Variants in UBE2E1 observed in about 807,000 individuals in gnomAD.
UBE2E1 encodes the protein ubiquitin conjugating enzyme E2 E1, also known as ubiquitin-conjugating enzyme E2 E1.
A neutral mutation model predicts 21.4 loss-of-function variants in UBE2E1; 6 were observed. That is an observed-to-expected ratio of 0.28 (90% CI 0.15 to 0.55). The LOEUF (loss-of-function observed/expected upper bound fraction) is 0.55, where lower values mean the gene tolerates loss of function less well. Among genes scored for constraint, UBE2E1 ranks in the 20% least tolerant of loss-of-function variants. UBE2E1 has a pLI of 0.93. For missense variants in UBE2E1, 142 were observed against 236.5 expected, an observed-to-expected ratio of 0.60 and a Z score of 2.62; for synonymous variants, 87 against 82.7, an observed-to-expected ratio of 1.05 and a Z score of -0.28.
chr3:23,850,681 GTT>G (rs550418701), intron 3 of UBE2E1, among the ~76,000 whole-genome samples: 17 of 104,288 alleles, frequency 1.6e-4, no homozygotes, highest in Admixed American at 9.8e-5. Flanking sequence ...ACACCTGATT[GTT>G]TTTTTTTTTT....
chr3:23,887,729 A>G lies in UBE2E1; in HGVS notation c.336+30A>G, dbSNP rs1196185067. On this transcript the variant is annotated intron_variant, in intron 4 of 5. Coordinates refer to ENST00000306627, the MANE Select transcript of UBE2E1 (RefSeq NM_003341.5). The surrounding 1 kb of genome is among the most constrained non-coding windows in gnomAD (Gnocchi z 4.4). ...GAAATCTCCCTGTATGCTCAAATTTACTAATTCCCACAAGAGAGCAACTGT... is the reference window on the plus strand; with the variant it reads ...GAAATCTCCCTGTATGCTCAAATTTGCTAATTCCCACAAGAGAGCAACTGT... 6.3e-7 allele frequency: 1 copy of G among 1,584,186 alleles called. No homozygotes were observed. The highest frequency in any genetic ancestry group is 1.4e-5 in the African/African-American group (1 of 73,150).
chr3:23,806,530 C>G lies in UBE2E1; in HGVS notation c.-34+442C>G, dbSNP rs896785041. ...CCGACCCCCCCATTCCCCGCCGCAG[C>G]CCCTATCCCCCTACAGGAGTGGCGA... On this transcript the variant is annotated intron_variant, in intron 1 of 5. Coordinates refer to ENST00000306627, the MANE Select transcript of UBE2E1 (RefSeq NM_003341.5). This position sits in a 1 kb window ranked among gnomAD's most constrained non-coding sequence, Gnocchi z 6.5. Among the ~76,000 whole-genome samples the G allele has an allele frequency of 2.8e-4, 43 of 151,740 alleles. No individual in the cohort carries two copies. The highest frequency in any genetic ancestry group is 2.6e-3 in the Admixed American group (39 of 15,274).
intron 3 of UBE2E1, among the ~76,000 whole-genome samples, chr3:23,867,485 A>G (rs1005331333): frequency 5.9e-5 from 9 of 152,178 alleles, no homozygotes; most frequent in African/African-American, 2.2e-4. Flanking sequence ...CAAATCTTCC[A>G]TGTGTTTTGA....
At chr3:23,811,381 CA>C in intron 2 of UBE2E1, 78 bp from the exon 3 acceptor site, 3 of 1,384,360 alleles carry the variant, frequency 2.2e-6, no homozygotes, top group Non-Finnish European at 3.1e-6. Context: ...GGTTTATCTG[CA>C]GACCTGCACG....
intron 3 of UBE2E1, among the ~76,000 whole-genome samples, chr3:23,847,291 A>G (rs977491458): frequency 1.3e-5 from 2 of 152,152 alleles, no homozygotes; most frequent in African/African-American, 2.4e-5. Context: ...CTAGATGAAA[A>G]GAAGACATCC....
chr3:23,842,198 G>GGGGGGGTGTGTGTGT lies in UBE2E1; in HGVS notation c.203+30689_203+30690insGGGGGTGTGTGTGTG, dbSNP rs1553637704. Among the ~76,000 whole-genome samples, 1 of 104,284 alleles carries GGGGGGGTGTGTGTGT rather than the reference G, an allele frequency of 9.6e-6. No individual in the cohort carries two copies. Among genetic ancestry groups the GGGGGGGTGTGTGTGT allele is most frequent in the African/African-American group, 3.6e-5 (1 of 27,628 alleles). The allele number at this position is 104,284 out of a possible 152,430, so 68.4% of individuals were successfully genotyped here. A position where few individuals can be genotyped will look rare whatever the true frequency, so the allele number is the denominator to read the frequency against. On this transcript the variant is annotated intron_variant, in intron 3 of 5. Coordinates refer to ENST00000306627, the MANE Select transcript of UBE2E1 (RefSeq NM_003341.5). This position sits in a 1 kb window ranked among gnomAD's most constrained non-coding sequence, Gnocchi z 4.6. Reference sequence around the variant, plus strand: ...TATGTCATGACCCAGTAAGTGAAGGGGTGTGTGTGTGTGTGTGTGTGTGTG... The same window carrying GGGGGGGTGTGTGTGT: ...TATGTCATGACCCAGTAAGTGAAGGGGGGGGGTGTGTGTGTGTGTGTGTGTGTGTGTGTGTGTGTG...
Position 23,870,716 on chromosome 3 carries a change from T to G in UBE2E1, c.204-16851T>G, listed in dbSNP as rs1700765359. 6.6e-6 allele frequency among the ~76,000 whole-genome samples: 1 copy of G among 152,026 alleles called. No individual in the cohort carries two copies. The highest frequency in any genetic ancestry group is 1.5e-5 in the Non-Finnish European group (1 of 68,000). The stretch of plus-strand genomic sequence containing the variant: ...TATTTTATTGATCATTCTTGGGTGT[T>G]TCTCGCAGAGGGGTATTTGGCAGGG... On this transcript the variant is annotated intron_variant, in intron 3 of 5. Coordinates refer to ENST00000306627, the MANE Select transcript of UBE2E1 (RefSeq NM_003341.5). The surrounding 1 kb of genome is among the most constrained non-coding windows in gnomAD (Gnocchi z 4.2).
chr3:23,844,203 C>T (rs1378517993), intron 3 of UBE2E1, among the ~76,000 whole-genome samples: 1 of 152,108 alleles, frequency 6.6e-6, no homozygotes, highest in East Asian at 1.9e-4. Flanking sequence ...TCTCCTCTTT[C>T]CTGCTTGTTT....
chr3:23,821,233 T>A lies in UBE2E1; in HGVS notation c.203+9723T>A, dbSNP rs1699636823. On this transcript the variant is annotated intron_variant, in intron 3 of 5. Transcript: ENST00000306627. Reference sequence around the variant, plus strand: ...TAGGAAAGAAATTGACAGAGTGCAGTGATGGAGAATAATTGGGGAGGGTGT... The same window carrying A: ...TAGGAAAGAAATTGACAGAGTGCAGAGATGGAGAATAATTGGGGAGGGTGT... Among the ~76,000 whole-genome samples the A allele has an allele frequency of 5.3e-5, 8 of 152,198 alleles. 1 individual carries two copies. In the South Asian group the frequency reaches 1.7e-3, roughly 32 times the overall value.
At position 23,887,547 on chromosome 3, in the gene UBE2E1, T is replaced by G. The variant is rs1701216544; in HGVS notation, c.204-20T>G. 1 of 1,594,732 alleles carries G rather than the reference T, an allele frequency of 6.3e-7. No homozygotes were observed. Among genetic ancestry groups the G allele is most frequent in the South Asian group, 1.1e-5 (1 of 87,286 alleles). On this transcript the variant is annotated intron_variant, in intron 3 of 5. Transcript: ENST00000306627. This position sits in a 1 kb window ranked among gnomAD's most constrained non-coding sequence, Gnocchi z 4.4. The stretch of plus-strand genomic sequence containing the variant: ...GGGATAGTGCCACCATCTGCTTATT[T>G]GTTGACGTATTATTCACAGTGCTGG...
In UBE2E1 at chr3:23,819,243, C is replaced by T. The variant is rs190966360; in HGVS notation, c.203+7733C>T. Reference sequence around the variant, plus strand: ...GGGTTGCAGTGAACCAAGATTGCGCCACTGCACTCCAGCCTGGGTGACAGA... The same window carrying T: ...GGGTTGCAGTGAACCAAGATTGCGCTACTGCACTCCAGCCTGGGTGACAGA... On this transcript the variant is annotated intron_variant, in intron 3 of 5. Coordinates refer to ENST00000306627, the MANE Select transcript of UBE2E1 (RefSeq NM_003341.5). Among the ~76,000 whole-genome samples the T allele has an allele frequency of 7.8e-3, 1,195 of 152,230 alleles. 12 individuals are homozygous for T. Among genetic ancestry groups the T allele is most frequent in the African/African-American group, 0.027 (1,111 of 41,526 alleles).
chr3:23,810,681 C>T lies in UBE2E1; in HGVS notation c.153-779C>T. On this transcript the variant is annotated intron_variant, in intron 2 of 5. Transcript: ENST00000306627. The surrounding 1 kb of genome is among the most constrained non-coding windows in gnomAD (Gnocchi z 5.8). ...CCCTGCTTTCGCGCGCGGTCTCGGG[C>T]CAAGGTTCTGGGCGCCGGGAGAGGA... 1.4e-6 allele frequency: 1 copy of T among 701,748 alleles called. No individual in the cohort carries two copies. Among genetic ancestry groups the T allele is most frequent in the Non-Finnish European group, 2.2e-6 (1 of 454,194 alleles). The allele number at this position is 701,748 out of a possible 1,614,324, so 43.5% of individuals were successfully genotyped here.
intron 3 of UBE2E1, among the ~76,000 whole-genome samples, chr3:23,832,569 C>T (rs983297152): frequency 2.0e-5 from 3 of 152,006 alleles, no homozygotes; most frequent in South Asian, 2.1e-4. Flanking sequence ...CGCTTGAACC[C>T]GGGAGGTGGA....
intron 3 of UBE2E1, among the ~76,000 whole-genome samples, chr3:23,872,292 A>C (rs1033281759): frequency 1.4e-5 from 2 of 146,640 alleles, no homozygotes; most frequent in Non-Finnish European, 3.0e-5. Flanking sequence ...AGAATCAGGC[A>C]GGGAGGTTGC....
At chr3:23,889,621 C>CAG (rs771820373) in intron 5 of UBE2E1, 46 of 985,306 alleles carry the variant, frequency 4.7e-5, no homozygotes, top group Admixed American at 6.1e-5. Context: ...CAAGCCTCAC[C>CAG]TGTGCCTCTG....
chr3:23,807,316 C>T lies in UBE2E1; in HGVS notation c.47C>T (p.Ser16Leu). The change falls in exon 2 of 6, where the codon TCG (serine) becomes TTG (leucine). Residue 16 changes from serine (S) to leucine (L), a missense_variant. Transcript: ENST00000306627. ...SRASTSSSSSSSSNQQTEKET... is the reference protein window; with the variant it reads ...SRASTSSSSSLSSNQQTEKET... Reference sequence around the variant, plus strand: ...GCCAGCACCAGCTCCTCCTCATCTTCGTCTTCCAACCAGCAAACCGAGAAA... The same window carrying T: ...GCCAGCACCAGCTCCTCCTCATCTTTGTCTTCCAACCAGCAAACCGAGAAA... 1.9e-6 allele frequency: 3 copies of T among 1,614,038 alleles called. No homozygotes were observed. Among genetic ancestry groups the T allele is most frequent in the Non-Finnish European group, 2.5e-6 (3 of 1,179,988 alleles).
intron 3 of UBE2E1, among the ~76,000 whole-genome samples, chr3:23,861,413 A>G (rs546734249): frequency 6.6e-6 from 1 of 152,322 alleles, no homozygotes; most frequent in Admixed American, 6.5e-5. Flanking sequence ...CTGATACGGA[A>G]GGGAGACAGG....
intron 2 of UBE2E1, 137 bp downstream of exon 2, chr3:23,807,558 G>A (rs1699305669): frequency 2.7e-6 from 3 of 1,101,762 alleles, no homozygotes; most frequent in Non-Finnish European, 3.7e-6. Context: ...AAGGGCCTTG[G>A]AAGCCCTAAT....
At chr3:23,844,553 T>G (rs1283738162) in intron 3 of UBE2E1, among the ~76,000 whole-genome samples, 7 of 152,208 alleles carry the variant, frequency 4.6e-5, no homozygotes. Context: ...TCTGTAAGAA[T>G]TAAGCAGAAC....
Sources: gnomAD v4.1 joint callset for allele counts (sites outside exome capture counted in the v4.1 genomes callset) on GRCh38, gnomAD v4.1.1 for gene constraint, Gnocchi (gnomAD v3.1) non-coding constraint, MANE v1.5 for transcripts, NCBI Gene and HGNC (gene_info 2026-07-23, HGNC 2026-07-21) for gene names.